Variants in ADGRL3 observed in about 807,000 individuals in gnomAD.
ADGRL3 encodes calcium-independent alpha-latrotoxin receptor 3.
A neutral mutation model predicts 153.5 loss-of-function variants in ADGRL3; 62 were observed. The observed-to-expected ratio is 0.40, with a 90% CI of 0.33 to 0.50. ADGRL3 has a LOEUF of 0.50. ADGRL3 is among the 20% of genes least tolerant of loss of function. The pLI is 0.47. For synonymous variants in ADGRL3, 710 were observed against 672.5 expected (o/e 1.06, Z -0.86); for missense variants, 1,641 against 1,859.4 (o/e 0.88, Z 2.16).
rs78497340 is a variant in ADGRL3 at position 61,888,262 on chromosome 4, A to G, written c.1481-4394A>G. On this transcript the variant is annotated intron_variant, in intron 9 of 26. Coordinates refer to ENST00000683033, the MANE Select transcript of ADGRL3 (RefSeq NM_001387552.1). ...ACTCAAACTTAATTTCTTTTAGACA[A>G]TGACTTTTCTCTGATATACAAACAC... is the stretch of plus-strand genomic sequence containing the variant. 0.018 allele frequency among the ~76,000 whole-genome samples: 2,811 copies of G among 152,332 alleles called. 386 individuals carry two copies. The East Asian group carries it at 0.37, about 20-fold the overall frequency.
intron 1 of ADGRL3, among the ~76,000 whole-genome samples, chr4:61,352,000 A>T (rs535777404): frequency 6.6e-6 from 1 of 152,358 alleles, no homozygotes; most frequent in East Asian, 1.9e-4. Context: ...TGATGGATTC[A>T]GGCAAAGTAA....
At chr4:61,496,328 C>A (rs1205934693) in intron 2 of ADGRL3, among the ~76,000 whole-genome samples, 1 of 152,016 alleles carries the variant, frequency 6.6e-6, no homozygotes, top group Non-Finnish European at 1.5e-5. Context: ...TGGTATAACC[C>A]CATGGGGCTT....
chr4:61,263,395 C>T (rs897192877), intron 1 of ADGRL3, among the ~76,000 whole-genome samples: 18 of 150,796 alleles, frequency 1.2e-4, no homozygotes, highest in African/African-American at 4.4e-4. Context: ...TGGGGTTTAA[C>T]CCTTTCAGTA....
intron 20 of ADGRL3, among the ~76,000 whole-genome samples, chr4:61,997,429 T>TA (rs760670100): frequency 2.0e-5 from 3 of 152,096 alleles, no homozygotes; most frequent in Non-Finnish European, 2.9e-5. Flanking sequence ...GGATGATTGA[T>TA]AAAGTATTGC....
intron 5 of ADGRL3, among the ~76,000 whole-genome samples, chr4:61,594,779 G>A (rs971272761): frequency 1.3e-5 from 2 of 152,134 alleles, no homozygotes; most frequent in Non-Finnish European, 2.9e-5. Flanking sequence ...CTCAGGCCCT[G>A]GGGAGTGTCC....
chr4:61,889,320 G>A (rs941725172), intron 9 of ADGRL3, among the ~76,000 whole-genome samples: 4 of 152,226 alleles, frequency 2.6e-5, no homozygotes, highest in African/African-American at 9.6e-5. Flanking sequence ...AGGCCCTGAG[G>A]CAGAAAGAAC....
At chr4:61,554,538 G>C (rs1420002706) in intron 4 of ADGRL3, among the ~76,000 whole-genome samples, 1 of 152,024 alleles carries the variant, frequency 6.6e-6, no homozygotes, top group Admixed American at 6.6e-5. Flanking sequence ...TCATCCACCT[G>C]CTTTCTTACC....
chr4:62,068,236 C>T (rs1272553336), intron 26 of ADGRL3, 53 bp downstream of exon 26: 1 of 1,528,184 alleles, frequency 6.5e-7, no homozygotes, highest in East Asian at 2.3e-5. Flanking sequence ...TTTTAGTTCA[C>T]TTTTATTGCA....
chr4:61,814,716 G>T (rs981009931), intron 9 of ADGRL3, among the ~76,000 whole-genome samples: 1 of 152,036 alleles, frequency 6.6e-6, no homozygotes, highest in Non-Finnish European at 1.5e-5. Context: ...TTCCTCTCCT[G>T]GGAGTCTCTT....
chr4:61,956,165 T>A (rs1298706560), intron 17 of ADGRL3, among the ~76,000 whole-genome samples: 1 of 152,172 alleles, frequency 6.6e-6, no homozygotes, highest in East Asian at 1.9e-4. Context: ...AGTGTAAAAG[T>A]GTTCCTATTG....
intron 25 of ADGRL3, among the ~76,000 whole-genome samples, chr4:62,059,970 A>G (rs1739172805): frequency 2.0e-5 from 3 of 152,106 alleles, no homozygotes; most frequent in Admixed American, 2.0e-4. Flanking sequence ...GATAGATATA[A>G]CCACATAGAT....
intron 5 of ADGRL3, among the ~76,000 whole-genome samples, chr4:61,632,513 C>A (rs2093226998): frequency 6.6e-6 from 1 of 152,032 alleles, no homozygotes; most frequent in Non-Finnish European, 1.5e-5. Flanking sequence ...CTTTGTTCAG[C>A]CTTTAGATGT....
At chr4:61,309,108 A>G (rs945087335) in intron 1 of ADGRL3, among the ~76,000 whole-genome samples, 3 of 152,336 alleles carry the variant, frequency 2.0e-5, no homozygotes, top group Admixed American at 2.0e-4. Flanking sequence ...GAAAATATAA[A>G]GTTTTAAATG....
At chr4:61,707,648 T>G (rs574260529) in intron 6 of ADGRL3, among the ~76,000 whole-genome samples, 1 of 152,318 alleles carries the variant, frequency 6.6e-6, no homozygotes, top group South Asian at 2.1e-4. Context: ...TTAGAAATAT[T>G]TTTCAATTTT....
intron 5 of ADGRL3, among the ~76,000 whole-genome samples, chr4:61,621,989 A>G (rs561824341): frequency 1.3e-5 from 2 of 152,250 alleles, no homozygotes; most frequent in South Asian, 4.2e-4. Flanking sequence ...AGACTGCAGT[A>G]ATTACTCATC....
chr4:61,946,176 A>G (rs2098922746), intron 15 of ADGRL3, among the ~76,000 whole-genome samples: 1 of 152,176 alleles, frequency 6.6e-6, no homozygotes, highest in African/African-American at 2.4e-5. Flanking sequence ...ATTTTACACT[A>G]CCACCAGAAG....
At chr4:61,659,322 A>G (rs1218611734) in intron 5 of ADGRL3, among the ~76,000 whole-genome samples, 1 of 152,106 alleles carries the variant, frequency 6.6e-6, no homozygotes, top group African/African-American at 2.4e-5. Flanking sequence ...TGTAATAGTG[A>G]CCCTTATTTT....
Position 61,902,056 on chromosome 4 carries a change from T to C in ADGRL3, c.1887+6222T>C, listed in dbSNP as rs1011212254. On this transcript the variant is annotated intron_variant, in intron 11 of 26. Transcript: ENST00000683033. ...TTCAACATATATGTATATTTTTATA[T>C]GGAAATAAGATCATTATAGTCTACA... Among the ~76,000 whole-genome samples the C allele has an allele frequency of 3.3e-5, 5 of 152,198 alleles. No individual in the cohort carries two copies. The South Asian group carries it at 8.3e-4, about 25-fold the overall frequency.
intron 11 of ADGRL3, among the ~76,000 whole-genome samples, chr4:61,908,947 C>T (rs1581413089): frequency 6.6e-6 from 1 of 151,988 alleles, no homozygotes; most frequent in African/African-American, 2.4e-5. Context: ...TTGACATATT[C>T]TTGTAGAATG....
Sources: gnomAD v4.1 joint callset for allele counts (sites outside exome capture counted in the v4.1 genomes callset) on GRCh38, gnomAD v4.1.1 for gene constraint, MANE v1.5 for transcripts, NCBI Gene and HGNC (gene_info 2026-07-23, HGNC 2026-07-21) for gene names.